Variants in JAK3 observed in about 807,000 individuals in gnomAD.
The protein encoded by JAK3 is tyrosine-protein kinase JAK3.
A neutral mutation model predicts 120.8 loss-of-function variants in JAK3; 88 were observed. The ratio of observed to expected loss-of-function variants is 0.73; its 90% CI spans 0.61 to 0.87. The LOEUF (loss-of-function observed/expected upper bound fraction) is 0.87, where lower values mean the gene tolerates loss of function less well. JAK3 is among the 40% of genes least tolerant of loss of function. The pLI is 0.00. For missense variants in JAK3, 1,254 were observed against 1,501.4 expected (o/e 0.84, Z 2.72); for synonymous variants, 592 against 628.6 (o/e 0.94, Z 0.87).
Position 17,844,493 on chromosome 19 carries a change from G to C in JAK3, c.-13-63C>G, listed in dbSNP as rs78912157. On this transcript the variant is annotated intron_variant, in intron 1 of 23. Coordinates refer to ENST00000458235, the MANE Select transcript of JAK3 (RefSeq NM_000215.4). Reference sequence around the variant, plus strand: ...AGAGGGGATTGGACTTCTGAGCAGGGAGGGCATGGAAAGGAGTGCTGGAGG... The same window carrying C: ...AGAGGGGATTGGACTTCTGAGCAGGCAGGGCATGGAAAGGAGTGCTGGAGG... 1.0e-3 allele frequency: 1,475 copies of C among 1,459,006 alleles called. 12 individuals carry two copies. In the African/African-American group the frequency reaches 0.019, roughly 19 times the overall value. The allele number at this position is 1,459,006 out of a possible 1,614,324, so 90.4% of individuals were successfully genotyped here.
At position 17,838,325 on chromosome 19, in the gene JAK3, G is replaced by A. The variant is rs2147688745; in HGVS notation, c.1507C>T (p.Gln503Ter). 2 of 1,614,118 alleles carry A rather than the reference G, an allele frequency of 1.2e-6. No homozygotes were observed. The highest frequency in any genetic ancestry group is 2.2e-5 in the East Asian group (1 of 44,874). The stretch of plus-strand genomic sequence containing the variant: ...ATCTGACTCAGCTGGTATTGGGATT[G>A]GGGCTGAACCAAGGATGATGTGGGT... Reference protein sequence around the residue: ...SPPTSSLVQPQSQYQLSQMTF... With the variant: ...SPPTSSLVQP Residue 503 changes from glutamine (Q) to a stop codon, truncating the protein, a stop_gained, in exon 11 of 24, where the codon CAA (glutamine) becomes TAA (stop). Coordinates refer to ENST00000458235, the MANE Select transcript of JAK3 (RefSeq NM_000215.4). LOFTEE classifies it high-confidence loss of function.
In JAK3 at chr19:17,835,006, G is replaced by A. The variant is rs779747536; in HGVS notation, c.2048-3C>T. ...CCAGGGGATCCTGTCGGTGAGCACT[G>A]AGGGAATGAAAGTGGGATCAGGGAT... is the stretch of plus-strand genomic sequence containing the variant. On this transcript the variant is annotated splice_region_variant and splice_polypyrimidine_tract_variant and intron_variant, in intron 15 of 23. Transcript: ENST00000458235. The A allele has an allele frequency of 4.3e-6, 7 of 1,614,022 alleles. No homozygotes were observed. The East Asian group carries it at 1.6e-4, about 36-fold the overall frequency.
intron 1 of JAK3, among the ~76,000 whole-genome samples, chr19:17,847,642 C>A (rs867602552): frequency 1.3e-5 from 2 of 152,124 alleles, no homozygotes; most frequent in Admixed American, 6.5e-5. Flanking sequence ...CTCCGCCCCC[C>A]AATCCCTCCT....
In JAK3 at chr19:17,843,824, G is replaced by A. The variant is rs1389746826; in HGVS notation, c.261C>T (p.Ile87=). ...DLSCWFPPSH[I]FSVEDASTQV... ...GGGTGCTGGCATCCTCCACGGAGAA[G>A]ATGTGGCTCGGGGGGAACCAGCAGG... Residue 87 remains isoleucine (I), a synonymous_variant, in exon 3 of 24, where the codon ATC becomes ATT. Transcript: ENST00000458235. This position sits in a 1 kb window ranked among gnomAD's most constrained non-coding sequence, Gnocchi z 5.4. 6.2e-7 allele frequency: 1 copy of A among 1,613,630 alleles called. No homozygotes were observed. Among genetic ancestry groups the A allele is most frequent in the Non-Finnish European group, 8.5e-7 (1 of 1,179,980 alleles).
chr19:17,833,049 CA>C (rs2094217387), intron 17 of JAK3, 120 bp from the exon 18 acceptor site: 1 of 1,498,596 alleles, frequency 6.7e-7, no homozygotes, highest in Non-Finnish European at 9.0e-7. Flanking sequence ...ATGGCAGGGC[CA>C]TTGCAAGCCA....
In JAK3 at chr19:17,842,961, GC is replaced by G; in HGVS notation, c.566+65del. The stretch of plus-strand genomic sequence containing the variant: ...AACTCCATGGTGGGAGCCCGGCAAA[GC>G]CCCGATGGAGCCCACGTTGCTCACT... On this transcript the variant is annotated intron_variant, in intron 5 of 23. Transcript: ENST00000458235. The surrounding 1 kb of genome is among the most constrained non-coding windows in gnomAD (Gnocchi z 6.4). 2 of 1,593,538 alleles carry G rather than the reference GC, an allele frequency of 1.3e-6. No homozygotes were observed.
chr19:17,839,879 T>A (rs1484788941), intron 9 of JAK3, among the ~76,000 whole-genome samples: 3 of 151,884 alleles, frequency 2.0e-5, no homozygotes, highest in Non-Finnish European at 4.4e-5. Context: ...TAGCTGGGAC[T>A]ACAGATGCCC....
At chr19:17,827,251 T>C (rs3212795) in intron 23 of JAK3, among the ~76,000 whole-genome samples, 1,780 of 152,230 alleles carry the variant, frequency 0.012, 38 homozygotes, top group African/African-American at 0.04. Flanking sequence ...AGTGCTGGGA[T>C]TATAGGCATG....
At chr19:17,840,529 C>T (rs1002193063) in intron 8 of JAK3, among the ~76,000 whole-genome samples, 188 bp from the exon 9 acceptor site, 10 of 152,030 alleles carry the variant, frequency 6.6e-5, no homozygotes, top group East Asian at 1.9e-4. Flanking sequence ...TTTGGGAGGC[C>T]GAGGCAGGTG....
intron 22 of JAK3, 33 bp from the exon 23 acceptor site, chr19:17,830,251 AG>A: frequency 2.6e-6 from 3 of 1,148,426 alleles, no homozygotes; most frequent in Non-Finnish European, 3.6e-6. Flanking sequence ...GTGGTGGGGG[AG>A]GAGCCTCCGT....
intron 23 of JAK3, chr19:17,829,843 T>TC (rs2094210520): frequency 1.7e-6 from 1 of 580,310 alleles, no homozygotes; most frequent in Non-Finnish European, 3.1e-6. Context: ...AGCTGAGCCC[T>TC]CATAGGCACA....
chr19:17,841,835 C>CCA lies in JAK3; in HGVS notation c.862-74_862-73insTG. 1.1e-5 allele frequency: 17 copies of CCA among 1,553,294 alleles called. No individual in the cohort carries two copies. The East Asian group carries it at 1.7e-4, about 15-fold the overall frequency. On this transcript the variant is annotated intron_variant, in intron 6 of 23. Coordinates refer to ENST00000458235, the MANE Select transcript of JAK3 (RefSeq NM_000215.4). This position sits in a 1 kb window ranked among gnomAD's most constrained non-coding sequence, Gnocchi z 4.1. ...CAAACCACGCCCATGAACCCACCCC[C>CCA]AAGCCACACCATCCACTCCCTATCC...
chr19:17,831,145 C>T lies in JAK3; in HGVS notation c.2978+83G>A, dbSNP rs574780776. 16 of 1,364,974 alleles carry T rather than the reference C, an allele frequency of 1.2e-5. No individual in the cohort carries two copies. Among genetic ancestry groups the T allele is most frequent in the Non-Finnish European group, 1.6e-5 (16 of 1,031,420 alleles). 84.6% of individuals were successfully genotyped at this position (1,364,974 alleles called of 1,614,324 possible). A position where few individuals can be genotyped will look rare whatever the true frequency, so the allele number is the denominator to read the frequency against. On this transcript the variant is annotated intron_variant, in intron 21 of 23. Coordinates refer to ENST00000458235, the MANE Select transcript of JAK3 (RefSeq NM_000215.4). This position sits in a 1 kb window ranked among gnomAD's most constrained non-coding sequence, Gnocchi z 5.1. ...GCGGGGCTAAGGCTGGGGAGCAAAGCAGCGGGAGGGGGCGGGGGCATGGCT... is the reference window on the plus strand; with the variant it reads ...GCGGGGCTAAGGCTGGGGAGCAAAGTAGCGGGAGGGGGCGGGGGCATGGCT...
intron 21 of JAK3, among the ~76,000 whole-genome samples, chr19:17,830,992 G>A (rs1408006183): frequency 1.3e-5 from 2 of 149,046 alleles, no homozygotes; most frequent in Non-Finnish European, 3.0e-5. Flanking sequence ...CGGGGCGAGA[G>A]CTGAGAGAAG....
Position 17,826,329 on chromosome 19 carries a change from G to A in JAK3, c.*414C>T, listed in dbSNP as rs543712715. On this transcript the variant is annotated 3_prime_UTR_variant, in exon 24 of 24. Coordinates refer to ENST00000458235, the MANE Select transcript of JAK3 (RefSeq NM_000215.4). ...GAACCTGGGAAGCAGAGGTTGCACTGAGCCGAGATCGCACCACTGCACTCC... is the reference window on the plus strand; with the variant it reads ...GAACCTGGGAAGCAGAGGTTGCACTAAGCCGAGATCGCACCACTGCACTCC... 6 of 213,768 alleles carry A rather than the reference G, an allele frequency of 2.8e-5. No individual in the cohort carries two copies. In the East Asian group the frequency reaches 4.4e-4, roughly 16 times the overall value. 13.2% of individuals were successfully genotyped at this position (213,768 alleles called of 1,614,324 possible).
In JAK3 at chr19:17,834,444, T is replaced by G. The variant is rs2094220066; in HGVS notation, c.2350+127A>C. 4.3e-6 allele frequency: 4 copies of G among 939,910 alleles called. No homozygotes were observed. The Admixed American group carries it at 5.9e-5, about 14-fold the overall frequency. The allele number at this position is 939,910 out of a possible 1,614,324, so 58.2% of individuals were successfully genotyped here. On this transcript the variant is annotated intron_variant, in intron 17 of 23. Transcript: ENST00000458235. ...AGTAGCTGTTGAAGCTCACACTGACTGTCACAGTCACCAACCCCTCCAACC... is the reference window on the plus strand; with the variant it reads ...AGTAGCTGTTGAAGCTCACACTGACGGTCACAGTCACCAACCCCTCCAACC...
chr19:17,845,638 A>G (rs1475995850), intron 1 of JAK3, among the ~76,000 whole-genome samples: 2 of 152,148 alleles, frequency 1.3e-5, no homozygotes, highest in Non-Finnish European at 1.5e-5. Context: ...AGTCCTAGCT[A>G]CTTGGGAGGC....
At chr19:17,837,889 C>T (rs756100692) in intron 12 of JAK3, 43 bp downstream of exon 12, 13 of 1,613,070 alleles carry the variant, frequency 8.1e-6, no homozygotes, top group Non-Finnish European at 1.1e-5. Flanking sequence ...ACCCCCTCTC[C>T]AGCCAGCCCC....
At position 17,839,552 on chromosome 19, in the gene JAK3, T is replaced by C; in HGVS notation, c.1366A>G (p.Thr456Ala). Reference protein sequence around the residue: ...PHSSLRELLATCWDGGLHVDG... With the variant: ...PHSSLRELLAACWDGGLHVDG... ...ACGTGCAGCCCCCCATCCCAGCAGG[T>C]TGCCAGGAGCTCTCGAAGACTGCTG... is the stretch of plus-strand genomic sequence containing the variant. The change falls in exon 10 of 24, where the codon ACC (threonine) becomes GCC (alanine). Residue 456 changes from threonine to alanine, a missense_variant. By Grantham distance (58) the Thr-to-Ala change is moderately conservative. Around this residue, in one of 3 missense-constraint regions of JAK3, gnomAD observed 486 missense variants for 503.0 expected, o/e 0.97. Coordinates refer to ENST00000458235, the MANE Select transcript of JAK3 (RefSeq NM_000215.4). 1 of 1,607,816 alleles carries C rather than the reference T, an allele frequency of 6.2e-7. No homozygotes were observed. The highest frequency in any genetic ancestry group is 8.5e-7 in the Non-Finnish European group (1 of 1,177,508).
Sources: gnomAD v4.1 joint callset for allele counts (sites outside exome capture counted in the v4.1 genomes callset) on GRCh38, gnomAD v4.1.1 for gene constraint, gnomAD v4.1.1 regional missense constraint, Gnocchi (gnomAD v3.1) non-coding constraint, MANE v1.5 for transcripts, NCBI Gene and HGNC (gene_info 2026-07-23, HGNC 2026-07-21) for gene names.